Variants in C7 observed in about 807,000 individuals in gnomAD.
C7 encodes the protein complement component C7.
C7 carries 83 observed loss-of-function variants against 104.8 expected under a neutral mutation model. That is an observed-to-expected ratio of 0.79 (90% CI 0.66 to 0.95). The LOEUF is 0.95. Among genes scored for constraint, C7 ranks in the 40% least tolerant of loss-of-function variants. C7 has a pLI of 0.00. For synonymous variants in C7, 415 were observed against 360.6 expected (o/e 1.15, Z -1.71); for missense variants, 1,070 against 1,011.2 (o/e 1.06, Z -0.79).
intron 14 of C7, chr5:40,967,665 C>T (rs1740587761): frequency 1.0e-5 from 2 of 196,932 alleles, no homozygotes; most frequent in South Asian, 2.0e-4. Flanking sequence ...CCAAGCATTT[C>T]CGAACATAGT....
At chr5:40,936,246 G>A in intron 4 of C7, 92 bp from the exon 5 acceptor site, 1 of 1,084,404 alleles carries the variant, frequency 9.2e-7, no homozygotes, top group African/African-American at 1.5e-5. Flanking sequence ...TCAGTGCAGT[G>A]TTACAGGTAG....
intron 1 of C7, among the ~76,000 whole-genome samples, chr5:40,919,429 G>A (rs1561236375): frequency 2.6e-5 from 4 of 152,098 alleles, no homozygotes; most frequent in East Asian, 3.9e-4. Flanking sequence ...CTGGCCTCAA[G>A]TATCTTTTCT....
In C7 at chr5:40,922,572, G is replaced by A. The variant is rs373215640; in HGVS notation, c.7-6008G>A. On this transcript the variant is annotated intron_variant, in intron 1 of 17. Transcript: ENST00000313164. ...GAAATTTTGCTGGGTGTGGTGGCAC[G>A]TGCCTGTAATTTCAACTACTAAGGA... Among the ~76,000 whole-genome samples the A allele has an allele frequency of 1.9e-4, 29 of 149,392 alleles. No individual in the cohort carries two copies. The South Asian group carries it at 3.2e-3, about 16-fold the overall frequency.
Position 40,958,271 on chromosome 5 carries a change from G to T in C7, c.1489+10G>T. 1 of 1,562,418 alleles carries T rather than the reference G, an allele frequency of 6.4e-7. No homozygotes were observed. Among genetic ancestry groups the T allele is most frequent in the Non-Finnish European group, 8.7e-7 (1 of 1,149,822 alleles). ...GTAGGGAATCAAGCAGGTCAGTGGGGTGAATTTTCTCTAGCCACCCTGTAC... is the reference window on the plus strand; with the variant it reads ...GTAGGGAATCAAGCAGGTCAGTGGGTTGAATTTTCTCTAGCCACCCTGTAC... On this transcript the variant is annotated intron_variant, in intron 11 of 17. Transcript: ENST00000313164.
chr5:40,945,011 T>C (rs1462966782), intron 6 of C7, among the ~76,000 whole-genome samples, 187 bp from the exon 7 acceptor site: 2 of 152,176 alleles, frequency 1.3e-5, no homozygotes, highest in Non-Finnish European at 2.9e-5. Flanking sequence ...GTGTCCTGCT[T>C]AATAAAAAAA....
At chr5:40,979,247 G>A (rs528684425) in intron 16 of C7, among the ~76,000 whole-genome samples, 2 of 152,178 alleles carry the variant, frequency 1.3e-5, no homozygotes, top group East Asian at 1.9e-4. Flanking sequence ...TCATCTTCCC[G>A]TGATGATTTA....
rs571427865 is a variant in C7, at chr5:40,984,289, A to C, written c.*2716A>C. ...GAAGGAGGGTTCTTCGTATTCAGGT[A>C]GGGTATGGTAGGGATGTGGAGTGCC... On this transcript the variant is annotated 3_prime_UTR_variant, in exon 18 of 18. Transcript: ENST00000313164. Among the ~76,000 whole-genome samples, 15 of 152,280 alleles carry C rather than the reference A, an allele frequency of 9.9e-5. No homozygotes were observed. Among genetic ancestry groups the C allele is most frequent in the African/African-American group, 3.6e-4 (15 of 41,568 alleles).
intron 11 of C7, 147 bp from the exon 12 acceptor site, chr5:40,959,302 A>G: frequency 1.4e-6 from 1 of 691,116 alleles, no homozygotes; most frequent in Non-Finnish European, 2.4e-6. Flanking sequence ...GCCATTCTGA[A>G]CATTGTAGAA....
intron 10 of C7, among the ~76,000 whole-genome samples, chr5:40,957,576 A>T (rs1384670703): frequency 6.6e-6 from 1 of 151,884 alleles, no homozygotes; most frequent in Non-Finnish European, 1.5e-5. Flanking sequence ...CTGCCTCAAC[A>T]TCCTAAGTAG....
chr5:40,911,668 A>C (rs1739210104), intron 1 of C7, among the ~76,000 whole-genome samples: 2 of 152,144 alleles, frequency 1.3e-5, no homozygotes, highest in Non-Finnish European at 2.9e-5. Flanking sequence ...GGAGAAGATA[A>C]TTCAGGGGAA....
chr5:40,955,229 C>T (rs550459177), intron 9 of C7, among the ~76,000 whole-genome samples, 158 bp from the exon 10 acceptor site: 1 of 152,212 alleles, frequency 6.6e-6, no homozygotes, highest in Admixed American at 6.5e-5. Flanking sequence ...CCCTAAATAT[C>T]CTTTGTGCTC....
chr5:40,983,157 G>GA lies in C7; in HGVS notation c.*1584_*1585insA, dbSNP rs1372416807. Among the ~76,000 whole-genome samples the GA allele has an allele frequency of 6.6e-6, 1 of 152,146 alleles. No individual in the cohort carries two copies. Among genetic ancestry groups the GA allele is most frequent in the Non-Finnish European group, 1.5e-5 (1 of 68,038 alleles). ...AGACATTGCAACTGCATTTGTTAGC[G>GA]GTTATTACAGAGTTAATTTCTACCC... is the stretch of plus-strand genomic sequence containing the variant. On this transcript the variant is annotated 3_prime_UTR_variant, in exon 18 of 18. Coordinates refer to ENST00000313164, the MANE Select transcript of C7 (RefSeq NM_000587.4).
In C7 at chr5:40,931,097, C is replaced by T. The variant is rs1046119570; in HGVS notation, c.96C>T (p.Phe32=). ...CTCCAGTCAACTGCCAGTGGGACTT[C>T]TATGCCCCTTGGTCAGAATGCAATG... ...ASSPVNCQWD[F]YAPWSECNGC... The change falls in exon 3 of 18, where the codon TTC becomes TTT. Residue 32 remains phenylalanine, a synonymous_variant. Transcript: ENST00000313164. The T allele has an allele frequency of 2.2e-5, 35 of 1,613,672 alleles. No individual in the cohort carries two copies. Among genetic ancestry groups the T allele is most frequent in the Non-Finnish European group, 2.9e-5 (34 of 1,179,650 alleles).
At chr5:40,965,648 A>ATTTTTTTT (rs1554043910) in intron 14 of C7, among the ~76,000 whole-genome samples, 23 of 130,294 alleles carry the variant, frequency 1.8e-4, no homozygotes, top group South Asian at 7.0e-4. Context: ...ATATATATAT[A>ATTTTTTTT]TTTTTTTTTT....
At chr5:40,972,356 G>A (rs748627047) in intron 14 of C7, 47 bp from the exon 15 acceptor site, 6 of 1,522,246 alleles carry the variant, frequency 3.9e-6, no homozygotes, top group Non-Finnish European at 5.4e-6. Context: ...TAAAAAGATG[G>A]TTTAGGAGAG....
intron 6 of C7, among the ~76,000 whole-genome samples, chr5:40,944,940 G>T (rs530230326): frequency 6.6e-6 from 1 of 152,188 alleles, no homozygotes; most frequent in Admixed American, 6.5e-5. Flanking sequence ...AAGGAACATG[G>T]AAGTTGTTTG....
rs1740332840 is a variant in C7 at position 40,958,053 on chromosome 5, G to T, written c.1281G>T (p.Leu427=). 1 of 1,612,314 alleles carries T rather than the reference G, an allele frequency of 6.2e-7. No individual in the cohort carries two copies. The highest frequency in any genetic ancestry group is 1.3e-5 in the African/African-American group (1 of 74,862). The change falls in exon 11 of 18, where the codon CTG becomes CTT. Residue 427 remains leucine, a synonymous_variant. Transcript: ENST00000313164. ...IKQKLTPLYE[L]VKEVPCASVK... ...TATAGCTGACACCTTTATATGAGCT[G>T]GTAAAGGAAGTACCTTGTGCCTCTG...
chr5:40,971,987 G>A (rs1740706630), intron 14 of C7: 1 of 432,408 alleles, frequency 2.3e-6, no homozygotes, highest in African/African-American at 2.1e-5. Context: ...ATAAATAAAA[G>A]TGGTGTTTTA....
chr5:40,950,806 C>T (rs1740151739), intron 9 of C7, among the ~76,000 whole-genome samples: 5 of 152,110 alleles, frequency 3.3e-5, no homozygotes, highest in Admixed American at 6.6e-5. Flanking sequence ...ATGGCTACTC[C>T]GTGGAGGTCA....
Sources: allele counts gnomAD v4.1 joint callset (sites outside exome capture counted in the v4.1 genomes callset), GRCh38; gene constraint gnomAD v4.1.1; transcripts MANE v1.5; gene names NCBI Gene and HGNC (gene_info 2026-07-23, HGNC 2026-07-21).